Variants in KHDRBS2 observed in about 807,000 individuals in gnomAD.
KHDRBS2 encodes KH RNA binding domain containing, signal transduction associated 2, also known as KH domain-containing, RNA-binding, signal transduction-associated protein 2.
In KHDRBS2, 26 loss-of-function variants were observed where a neutral mutation model predicts 44.3. The ratio of observed to expected loss-of-function variants is 0.59; its 90% CI spans 0.43 to 0.81. The LOEUF (loss-of-function observed/expected upper bound fraction) is 0.81. KHDRBS2 is among the 40% of genes least tolerant of loss of function. The pLI is 0.00. For synonymous variants in KHDRBS2, 194 were observed against 151.1 expected, an observed-to-expected ratio of 1.28 and a Z score of -2.08; for missense variants, 476 against 433.1, an observed-to-expected ratio of 1.10 and a Z score of -0.88.
At chr6:61,589,888 C>T in the KHDRBS2 span, among the ~76,000 whole-genome samples, 1 of 152,116 alleles carries the variant, frequency 6.6e-6, no homozygotes, top group African/African-American at 2.4e-5. Context: ...GTCCCGTTCA[C>T]CAACAGAGGA....
At chr6:61,561,125 C>A in the KHDRBS2 span, among the ~76,000 whole-genome samples, 1 of 152,138 alleles carries the variant, frequency 6.6e-6, no homozygotes, top group Non-Finnish European at 1.5e-5. Flanking sequence ...TAGAAGAATT[C>A]TCTGGATTAC....
the KHDRBS2 span, among the ~76,000 whole-genome samples, chr6:61,629,527 T>C: frequency 1.3e-5 from 2 of 152,130 alleles, no homozygotes; most frequent in Non-Finnish European, 2.9e-5. Flanking sequence ...GAAAGAGACA[T>C]ACCTTGTGCA....
chr6:62,164,038 T>C (rs965102395), intron 2 of KHDRBS2, among the ~76,000 whole-genome samples: 16 of 151,974 alleles, frequency 1.1e-4, no homozygotes, highest in African/African-American at 3.9e-4. Context: ...GCATTTTTTT[T>C]CATAAAGACA....
At chr6:62,238,722 AC>A in intron 1 of KHDRBS2, among the ~76,000 whole-genome samples, 1 of 151,814 alleles carries the variant, frequency 6.6e-6, no homozygotes, top group Non-Finnish European at 1.5e-5. Context: ...ACACACACAC[AC>A]ATATATTTGA....
the KHDRBS2 span, among the ~76,000 whole-genome samples, chr6:61,661,730 G>C: frequency 5.9e-4 from 90 of 151,818 alleles, no homozygotes; most frequent in African/African-American, 2.0e-3. Context: ...ACAAACCACT[G>C]CTCAATGAAA....
At chr6:61,562,504 G>T in the KHDRBS2 span, among the ~76,000 whole-genome samples, 474 of 152,164 alleles carry the variant, frequency 3.1e-3, 2 homozygotes, top group Non-Finnish European at 5.7e-3. Flanking sequence ...CTTTTTCTTA[G>T]AGTTTTTACT....
At chr6:61,964,109 C>T (rs530210543) in intron 4 of KHDRBS2, among the ~76,000 whole-genome samples, 12 of 152,056 alleles carry the variant, frequency 7.9e-5, no homozygotes, top group East Asian at 5.8e-4. Flanking sequence ...CCTTGCACTG[C>T]GGCTCGTTAC....
At chr6:61,905,400 C>A (rs1804780073) in intron 4 of KHDRBS2, among the ~76,000 whole-genome samples, 1 of 149,972 alleles carries the variant, frequency 6.7e-6, no homozygotes, top group Non-Finnish European at 1.5e-5. Context: ...TTTCTAGGTG[C>A]AGAAATAGCT....
intron 1 of KHDRBS2, among the ~76,000 whole-genome samples, chr6:62,187,200 A>G (rs1823620001): frequency 6.6e-6 from 1 of 152,150 alleles, no homozygotes; most frequent in African/African-American, 2.4e-5. Context: ...ACTCACGACG[A>G]TATAAACAAA....
At chr6:62,204,844 GATT>G (rs1827672760) in intron 1 of KHDRBS2, among the ~76,000 whole-genome samples, 1 of 151,822 alleles carries the variant, frequency 6.6e-6, no homozygotes, top group Non-Finnish European at 1.5e-5. Flanking sequence ...CACATCCTGT[GATT>G]ATTGTATTTT....
intron 7 of KHDRBS2, among the ~76,000 whole-genome samples, chr6:61,727,412 T>C (rs1342787014): frequency 2.0e-5 from 3 of 152,082 alleles, no homozygotes; most frequent in Non-Finnish European, 4.4e-5. Flanking sequence ...ATTGCAACAA[T>C]GGCAAAAATT....
chr6:62,191,191 T>C (rs1824523273), intron 1 of KHDRBS2, among the ~76,000 whole-genome samples: 1 of 152,184 alleles, frequency 6.6e-6, no homozygotes, highest in African/African-American at 2.4e-5. Flanking sequence ...GGTTAAATTC[T>C]AATTTTTATC....
the KHDRBS2 span, among the ~76,000 whole-genome samples, chr6:61,570,543 A>G: frequency 1.3e-5 from 2 of 152,192 alleles, no homozygotes; most frequent in African/African-American, 4.8e-5. Context: ...AAATCTAGAC[A>G]TCATCTAAAT....
intron 1 of KHDRBS2, among the ~76,000 whole-genome samples, chr6:62,274,510 T>C (rs1840600544): frequency 6.6e-6 from 1 of 152,218 alleles, no homozygotes; most frequent in Admixed American, 6.5e-5. Flanking sequence ...TCCTTTACTA[T>C]GTCTCCAATG....
intron 3 of KHDRBS2, among the ~76,000 whole-genome samples, chr6:62,031,164 C>G (rs1294960879): frequency 6.6e-6 from 1 of 152,052 alleles, no homozygotes; most frequent in Admixed American, 6.6e-5. Flanking sequence ...AGACAGGGAC[C>G]TGCTGCCTTA....
chr6:61,894,874 G>T, intron 5 of KHDRBS2, 41 bp from the exon 6 acceptor site: 1 of 1,417,488 alleles, frequency 7.1e-7, no homozygotes, highest in Non-Finnish European at 9.8e-7. Flanking sequence ...AACAGGTGAT[G>T]AGAGAAAAGG....
rs183442227 is a variant in KHDRBS2, at chr6:61,867,855, G to T, written c.810+26780C>A. ...CATCCCAGGGGGTTACTGACTGGTT[G>T]CCAGCCCAAACGTACCTGTAGGAGG... On this transcript the variant is annotated intron_variant, in intron 6 of 8. Coordinates refer to ENST00000281156, the MANE Select transcript of KHDRBS2 (RefSeq NM_152688.4). Among the ~76,000 whole-genome samples, 703 of 152,314 alleles carry T rather than the reference G, an allele frequency of 4.6e-3. 10 individuals carry two copies. The highest frequency in any genetic ancestry group is 0.016 in the African/African-American group (663 of 41,570).
At chr6:62,261,632 C>T (rs1838362219) in intron 1 of KHDRBS2, among the ~76,000 whole-genome samples, 1 of 151,802 alleles carries the variant, frequency 6.6e-6, no homozygotes, top group Non-Finnish European at 1.5e-5. Flanking sequence ...GAAGTAATGT[C>T]TTTTGTTACC....
chr6:62,180,612 T>A, intron 1 of KHDRBS2, among the ~76,000 whole-genome samples: 1 of 151,832 alleles, frequency 6.6e-6, no homozygotes, highest in East Asian at 1.9e-4. Context: ...AAAATGTCCA[T>A]AATACCCCAA....
Sources: gnomAD v4.1 joint callset for allele counts (sites outside exome capture counted in the v4.1 genomes callset) on GRCh38, gnomAD v4.1.1 for gene constraint, MANE v1.5 for transcripts, NCBI Gene and HGNC (gene_info 2026-07-23, HGNC 2026-07-21) for gene names.